The following PDE4D variants were observed in gnomAD, a reference collection of about 807,000 sequenced individuals.
PDE4D encodes 3',5'-cyclic-AMP phosphodiesterase 4D.
PDE4D carries 24 observed loss-of-function variants against 87.4 expected under a neutral mutation model. The ratio of observed to expected loss-of-function variants is 0.27; its 90% CI spans 0.20 to 0.39. The LOEUF (loss-of-function observed/expected upper bound fraction) is 0.39, where lower values mean the gene tolerates loss of function less well. Among genes scored for constraint, PDE4D ranks in the 10% least tolerant of loss-of-function variants. The pLI is 1.00. For synonymous variants in PDE4D, 384 were observed against 383.2 expected (o/e 1.00, Z -0.02); for missense variants, 714 against 1,041.0 (o/e 0.69, Z 4.32).
At chr5:59,365,771 G>A (rs9292206) in intron 1 of PDE4D, among the ~76,000 whole-genome samples, 7,713 of 152,004 alleles carry the variant, frequency 0.051, 291 homozygotes, top group South Asian at 0.16. Flanking sequence ...ATCTTACCTC[G>A]GAAAAATATC....
chr5:59,191,424 T>C (rs1744277127), intron 3 of PDE4D, among the ~76,000 whole-genome samples: 1 of 152,022 alleles, frequency 6.6e-6, no homozygotes. Flanking sequence ...ACCTAGATCA[T>C]TTGGTTAGAA....
At chr5:59,304,474 A>G (rs1047407936) in intron 1 of PDE4D, among the ~76,000 whole-genome samples, 1 of 152,076 alleles carries the variant, frequency 6.6e-6, no homozygotes, top group African/African-American at 2.4e-5. Flanking sequence ...GTCTTGTTCC[A>G]GTTCTCAGAG....
intron 1 of PDE4D, among the ~76,000 whole-genome samples, chr5:59,885,689 G>T (rs1452367542): frequency 6.6e-6 from 1 of 151,724 alleles, no homozygotes; most frequent in African/African-American, 2.4e-5. Context: ...TTACAAAGGG[G>T]GCTTTATCCC....
intron 2 of PDE4D, among the ~76,000 whole-genome samples, chr5:59,994,326 T>C (rs549648030): frequency 1.3e-5 from 2 of 151,504 alleles, no homozygotes; most frequent in African/African-American, 2.4e-5. Flanking sequence ...TATACACACA[T>C]ACAGTATATG....
chr5:59,179,602 A>T (rs927107534), intron 5 of PDE4D: 2 of 414,268 alleles, frequency 4.8e-6, no homozygotes, highest in South Asian at 3.6e-5. Flanking sequence ...TCCAGAATCA[A>T]CTCTAATGTG....
At chr5:60,359,154 C>A (rs1356255502) in intron 1 of PDE4D, among the ~76,000 whole-genome samples, 1 of 152,174 alleles carries the variant, frequency 6.6e-6, no homozygotes, top group Admixed American at 6.5e-5. Context: ...CGCCTGTAGT[C>A]CCAGCACTTT....
chr5:59,222,665 A>G (rs1752808939), intron 1 of PDE4D, among the ~76,000 whole-genome samples: 1 of 152,212 alleles, frequency 6.6e-6, no homozygotes, highest in Admixed American at 6.5e-5. Flanking sequence ...ACAATGGCAC[A>G]TAGAAAATAT....
intron 5 of PDE4D, among the ~76,000 whole-genome samples, chr5:59,096,907 C>T (rs952037822): frequency 1.9e-4 from 29 of 152,110 alleles, no homozygotes; most frequent in African/African-American, 7.0e-4. Context: ...GGACATCTTA[C>T]CAAGTGTGGA....
chr5:59,917,526 T>C (rs1248964394), intron 3 of PDE4D, among the ~76,000 whole-genome samples: 3 of 152,342 alleles, frequency 2.0e-5, no homozygotes, highest in Admixed American at 2.0e-4. Flanking sequence ...CCAATCCCAA[T>C]TTTAGGATCC....
At chr5:59,599,298 T>C (rs896676229) in intron 1 of PDE4D, among the ~76,000 whole-genome samples, 4 of 151,224 alleles carry the variant, frequency 2.6e-5, no homozygotes, top group Non-Finnish European at 5.9e-5. Flanking sequence ...CTTGGCTCAC[T>C]GCAACCTCTG....
intron 1 of PDE4D, among the ~76,000 whole-genome samples, chr5:60,465,300 T>A (rs981112558): frequency 1.3e-5 from 2 of 152,172 alleles, no homozygotes; most frequent in African/African-American, 4.8e-5. Context: ...CACTATGCTT[T>A]AGATCATTTT....
At chr5:60,272,749 A>T (rs1203460415) in intron 1 of PDE4D, among the ~76,000 whole-genome samples, 1 of 152,206 alleles carries the variant, frequency 6.6e-6, no homozygotes, top group African/African-American at 2.4e-5. Context: ...GGATATAAAG[A>T]ATTTAATTGT....
At chr5:59,600,394 A>G (rs1377473598) in intron 1 of PDE4D, among the ~76,000 whole-genome samples, 1 of 152,202 alleles carries the variant, frequency 6.6e-6, no homozygotes, top group African/African-American at 2.4e-5. Flanking sequence ...TGAGGAGAGT[A>G]AGTCTGAGCA....
At chr5:59,127,105 T>C (rs981874401) in intron 5 of PDE4D, among the ~76,000 whole-genome samples, 1 of 152,228 alleles carries the variant, frequency 6.6e-6, no homozygotes, top group Non-Finnish European at 1.5e-5. Context: ...AATCACAACA[T>C]GCCTGCAGTG....
intron 1 of PDE4D, among the ~76,000 whole-genome samples, chr5:59,280,593 TA>T (rs1263823268): frequency 6.6e-6 from 1 of 152,140 alleles, no homozygotes; most frequent in Non-Finnish European, 1.5e-5. Flanking sequence ...TCTGCAAATT[TA>T]ACATTATTTT....
chr5:59,169,189 T>C (rs1782370223), intron 5 of PDE4D, among the ~76,000 whole-genome samples: 1 of 152,168 alleles, frequency 6.6e-6, no homozygotes, highest in South Asian at 2.1e-4. Flanking sequence ...CAAAGGAATT[T>C]TCAACATTTT....
intron 1 of PDE4D, among the ~76,000 whole-genome samples, chr5:60,455,363 G>A (rs572854810): frequency 1.6e-4 from 25 of 152,208 alleles, no homozygotes; most frequent in African/African-American, 5.5e-4. Flanking sequence ...ACAGGATATA[G>A]TAGGCAATAA....
At chr5:59,024,721 A>T (rs1755885340) in intron 6 of PDE4D, among the ~76,000 whole-genome samples, 1 of 152,214 alleles carries the variant, frequency 6.6e-6, no homozygotes, top group Non-Finnish European at 1.5e-5. Context: ...AAATAAACAG[A>T]CATATTTCTA....
chr5:59,888,707 T>C (rs1230801996), intron 1 of PDE4D, among the ~76,000 whole-genome samples: 2 of 152,112 alleles, frequency 1.3e-5, no homozygotes, highest in Non-Finnish European at 2.9e-5. Flanking sequence ...GGCCAATTTT[T>C]CAATTAATTA....
Sources: allele counts gnomAD v4.1 joint callset (sites outside exome capture counted in the v4.1 genomes callset), GRCh38; gene constraint gnomAD v4.1.1; transcripts MANE v1.5; gene names NCBI Gene and HGNC (gene_info 2026-07-23, HGNC 2026-07-21).